C1QB: variants seen among roughly 807,000 people sequenced by gnomAD.
C1QB encodes complement C1q B chain.
In C1QB, 2 loss-of-function variants were observed where a neutral mutation model predicts 4.6. The ratio of observed to expected loss-of-function variants is 0.43; its 90% CI spans 0.18 to 1.36. C1QB has a LOEUF of 1.36. Ranked by LOEUF, C1QB falls within the 40% of genes most tolerant of loss-of-function variation. C1QB has a pLI of 0.28. For missense variants in C1QB, 292 were observed against 338.0 expected (o/e 0.86, Z 1.07); for synonymous variants, 132 against 137.1 (o/e 0.96, Z 0.26).
rs1383339095 is a variant in C1QB, at chr1:22,658,855, A to AAGGATGGAGGGATGGATGGATGGACAGC, written c.-23-560_-23-533dup. 4.7e-5 allele frequency among the ~76,000 whole-genome samples: 7 copies of AAGGATGGAGGGATGGATGGATGGACAGC among 149,354 alleles called. No individual in the cohort carries two copies. The East Asian group carries it at 1.4e-3, about 30-fold the overall frequency. On this transcript the variant is annotated intron_variant, in intron 1 of 2. Transcript: ENST00000509305. ...GATGGACAGAGGGATGCAGGGATGG[A>AAGGATGGAGGGATGGATGGATGGACAGC]AGGATGGAGGGATGGATGGATGGAC...
chr1:22,660,772 G>C, intron 2 of C1QB, 40 bp from the exon 3 acceptor site: 1 of 1,601,728 alleles, frequency 6.2e-7, no homozygotes, highest in South Asian at 1.1e-5. Flanking sequence ...TCCTTCTTTT[G>C]GTCTCAGTGA....
At chr1:22,660,219 G>A (rs949519732) in intron 2 of C1QB, among the ~76,000 whole-genome samples, 1 of 152,124 alleles carries the variant, frequency 6.6e-6, no homozygotes, top group African/African-American at 2.4e-5. Context: ...AGATGAGGAG[G>A]CTGTCCTCAG....
intron 1 of C1QB, among the ~76,000 whole-genome samples, chr1:22,656,523 C>T (rs1017495529): frequency 2.0e-5 from 3 of 152,004 alleles, no homozygotes; most frequent in Non-Finnish European, 4.4e-5. Flanking sequence ...AAACCAAAAA[C>T]CCCAAAACCA....
At chr1:22,659,842 C>G (rs1285688422) in intron 2 of C1QB, among the ~76,000 whole-genome samples, 199 bp downstream of exon 2, 2 of 152,186 alleles carry the variant, frequency 1.3e-5, no homozygotes, top group Admixed American at 1.3e-4. Context: ...AGAAAGTCTG[C>G]TGACTTACTC....
At chr1:22,658,114 C>G (rs1421214677) in intron 1 of C1QB, among the ~76,000 whole-genome samples, 1 of 152,282 alleles carries the variant, frequency 6.6e-6, no homozygotes, top group East Asian at 1.9e-4. Flanking sequence ...TCATAAGCAG[C>G]ATCATACCCT....
chr1:22,655,199 A>G (rs1217872457), intron 1 of C1QB, among the ~76,000 whole-genome samples: 1 of 152,234 alleles, frequency 6.6e-6, no homozygotes, highest in Non-Finnish European at 1.5e-5. Flanking sequence ...GCCATTTTGT[A>G]AAACCTTTAG....
Position 22,661,554 on chromosome 1 carries a change from T to G in C1QB, c.*168T>G. ...CCAAGGGACAGTGGTCTAATTCAAC[T>G]CTGTGTCCCAGCACCTGGCACACCA... On this transcript the variant is annotated 3_prime_UTR_variant, in exon 3 of 3. Coordinates refer to ENST00000509305, the MANE Select transcript of C1QB (RefSeq NM_001378156.1). 4 of 753,522 alleles carry G rather than the reference T, an allele frequency of 5.3e-6. No individual in the cohort carries two copies. In the South Asian group the frequency reaches 6.6e-5, roughly 12 times the overall value. 46.7% of individuals were successfully genotyped at this position (753,522 alleles called of 1,614,324 possible).
chr1:22,659,613 C>A lies in C1QB; in HGVS notation c.151C>A (p.Pro51Thr). Residue 51 changes from proline to threonine, a missense_variant, in exon 2 of 3, where the codon CCT (proline) becomes ACT (threonine). Pro to Thr is a conservative substitution (Grantham distance 38). Coordinates refer to ENST00000509305, the MANE Select transcript of C1QB (RefSeq NM_001378156.1). ...IPGTPGPDGQ[P>T]GTPGIKGEKG... ...TGGGACACCTGGCCCCGATGGCCAACCTGGGACCCCAGGGATAAAAGGAGA... is the reference window on the plus strand; with the variant it reads ...TGGGACACCTGGCCCCGATGGCCAAACTGGGACCCCAGGGATAAAAGGAGA... 6.2e-7 allele frequency: 1 copy of A among 1,613,740 alleles called. No individual in the cohort carries two copies. Among genetic ancestry groups the A allele is most frequent in the South Asian group, 1.1e-5 (1 of 91,018 alleles).
Position 22,660,846 on chromosome 1 carries a change from C to T in C1QB, c.216C>T (p.Phe72=), listed in dbSNP as rs1408908210. The part of the protein sequence containing the change: ...LPGLAGDHGE[F]GEKGDPGIPG... ...GGCTGGCTGGAGACCATGGTGAGTTCGGAGAGAAGGGAGACCCAGGGATTC... is the reference window on the plus strand; with the variant it reads ...GGCTGGCTGGAGACCATGGTGAGTTTGGAGAGAAGGGAGACCCAGGGATTC... Residue 72 remains phenylalanine (F), a synonymous_variant, in exon 3 of 3, where the codon TTC becomes TTT. Transcript: ENST00000509305. 1.1e-5 allele frequency: 17 copies of T among 1,613,826 alleles called. No individual in the cohort carries two copies. Among genetic ancestry groups the T allele is most frequent in the East Asian group, 2.2e-5 (1 of 44,808 alleles).
At chr1:22,656,491 G>C (rs931384693) in intron 1 of C1QB, among the ~76,000 whole-genome samples, 2 of 152,092 alleles carry the variant, frequency 1.3e-5, no homozygotes, top group African/African-American at 4.8e-5. Flanking sequence ...CTGGGCAACA[G>C]AGTGAGACCC....
intron 1 of C1QB, chr1:22,653,934 T>G (rs1244314462): frequency 6.6e-6 from 1 of 151,796 alleles, no homozygotes; most frequent in Non-Finnish European, 1.5e-5. Flanking sequence ...AGCTGGGGAG[T>G]GGGATGTGGC....
At position 22,661,586 on chromosome 1, in the gene C1QB, C is replaced by A; in HGVS notation, c.*200C>A. On this transcript the variant is annotated 3_prime_UTR_variant, in exon 3 of 3. Coordinates refer to ENST00000509305, the MANE Select transcript of C1QB (RefSeq NM_001378156.1). ...CCCAGCACCTGGCACACCAGAAGTG[C>A]CATGCTCAGAAATGTTGGTTACATG... 1.6e-6 allele frequency: 1 copy of A among 630,558 alleles called. No individual in the cohort carries two copies. The highest frequency in any genetic ancestry group is 2.8e-6 in the Non-Finnish European group (1 of 357,224). 39.1% of individuals were successfully genotyped at this position (630,558 alleles called of 1,614,324 possible).
intron 1 of C1QB, among the ~76,000 whole-genome samples, chr1:22,659,069 GGATGGATGGAC>G (rs1642574640): frequency 6.8e-6 from 1 of 146,014 alleles, no homozygotes; most frequent in Non-Finnish European, 1.5e-5. Flanking sequence ...ATGGATGGAT[GGATGGATGGAC>G]AGGGGGATGG....
At chr1:22,656,971 G>A (rs294189) in intron 1 of C1QB, among the ~76,000 whole-genome samples, 1 of 152,042 alleles carries the variant, frequency 6.6e-6, no homozygotes, top group Non-Finnish European at 1.5e-5. Context: ...TGAGGGAAGA[G>A]GCGTGCCACT....
Position 22,659,311 on chromosome 1 carries a change from T to TGGAC in C1QB, c.-23-126_-23-125insCGGA, listed in dbSNP as rs1220852854. On this transcript the variant is annotated intron_variant, in intron 1 of 2. Coordinates refer to ENST00000509305, the MANE Select transcript of C1QB (RefSeq NM_001378156.1). ...ATAGAGAGATGGATGGATGGATGGA[T>TGGAC]GGATGGATGGATGGATGCAGATGGA... is the stretch of plus-strand genomic sequence containing the variant. 2.3e-3 allele frequency: 1,674 copies of TGGAC among 721,812 alleles called. 25 individuals carry two copies. In the African/African-American group the frequency reaches 0.028, roughly 12 times the overall value. 44.7% of individuals were successfully genotyped at this position (721,812 alleles called of 1,614,324 possible).
At chr1:22,656,536 T>C (rs1256648254) in intron 1 of C1QB, among the ~76,000 whole-genome samples, 2 of 151,890 alleles carry the variant, frequency 1.3e-5, no homozygotes, top group African/African-American at 4.8e-5. Flanking sequence ...CAAAACCAAA[T>C]TGTAGTGTGT....
chr1:22,656,265 T>C (rs1642530443), intron 1 of C1QB, among the ~76,000 whole-genome samples: 1 of 152,114 alleles, frequency 6.6e-6, no homozygotes, highest in Non-Finnish European at 1.5e-5. Context: ...CTCCTGGGTA[T>C]AAACCCCAAA....
Position 22,661,517 on chromosome 1 carries a change from A to C in C1QB, c.*131A>C. ...ATGCTGCTGAGTGAATGAGTAAATA[A>C]ACTCTTCAAGGCCAAGGGACAGTGG... On this transcript the variant is annotated 3_prime_UTR_variant, in exon 3 of 3. Transcript: ENST00000509305. The C allele has an allele frequency of 1.8e-6, 2 of 1,086,850 alleles. No homozygotes were observed. Among genetic ancestry groups the C allele is most frequent in the African/African-American group, 1.6e-5 (1 of 64,402 alleles). 67.3% of individuals were successfully genotyped at this position (1,086,850 alleles called of 1,614,324 possible). A position where few individuals can be genotyped will look rare whatever the true frequency, so the allele number is the denominator to read the frequency against.
chr1:22,661,284 G>C lies in C1QB; in HGVS notation c.654G>C (p.Glu218Asp). The change falls in exon 3 of 3, where the codon GAG (glutamate) becomes GAC (aspartate). Residue 218 changes from glutamate (E) to aspartate (D), a missense_variant. Coordinates refer to ENST00000509305, the MANE Select transcript of C1QB (RefSeq NM_001378156.1). ...TGGTCCTCAAGCTGGAGCAGGGGGAGAACGTCTTCCTGCAGGCCACCGACA... is the reference window on the plus strand; with the variant it reads ...TGGTCCTCAAGCTGGAGCAGGGGGACAACGTCTTCCTGCAGGCCACCGACA... ...GGMVLKLEQG[E>D]NVFLQATDKN... 6.2e-7 allele frequency: 1 copy of C among 1,613,886 alleles called. No individual in the cohort carries two copies. Among genetic ancestry groups the C allele is most frequent in the Non-Finnish European group, 8.5e-7 (1 of 1,179,860 alleles).
Sources: allele counts gnomAD v4.1 joint callset (sites outside exome capture counted in the v4.1 genomes callset), GRCh38; gene constraint gnomAD v4.1.1; transcripts MANE v1.5; gene names NCBI Gene and HGNC (gene_info 2026-07-23, HGNC 2026-07-21).